LRP12: variants seen among roughly 807,000 people sequenced by gnomAD.
The protein encoded by LRP12 is low-density lipoprotein receptor-related protein 12.
In LRP12, 14 loss-of-function variants were observed where a neutral mutation model predicts 66.0. The observed-to-expected ratio is 0.21, with a 90% CI of 0.14 to 0.33. The LOEUF is 0.33. Among genes scored for constraint, LRP12 ranks in the 10% least tolerant of loss-of-function variants. LRP12 has a pLI of 1.00. For missense variants in LRP12, 889 were observed against 1,053.4 expected (o/e 0.84, Z 2.16); for synonymous variants, 357 against 359.1 (o/e 0.99, Z 0.07).
intron 1 of LRP12, among the ~76,000 whole-genome samples, chr8:104,574,590 A>G (rs1167765237): frequency 6.6e-6 from 1 of 152,164 alleles, no homozygotes; most frequent in Non-Finnish European, 1.5e-5. Flanking sequence ...ACATGTTTAC[A>G]TACAGCTTTA....
At chr8:104,552,927 T>G (rs1033955559) in intron 1 of LRP12, among the ~76,000 whole-genome samples, 3 of 152,150 alleles carry the variant, frequency 2.0e-5, no homozygotes, top group Non-Finnish European at 4.4e-5. Context: ...GTGCCCAAAG[T>G]GTGAGGGGGG....
chr8:104,497,258 G>A lies in LRP12; in HGVS notation c.1294C>T (p.Arg432Cys), dbSNP rs1202697745. The stretch of plus-strand genomic sequence containing the variant: ...GGGCAATGATTCTGGTAGTTGCAGC[G>A]ATCAGAACGAGGATAACAGACACCA... ...RNGVCYPRSDRCNYQNHCPNG... is the reference protein window; with the variant it reads ...RNGVCYPRSDCCNYQNHCPNG... Residue 432 changes from arginine to cysteine, a missense_variant, in exon 5 of 7, where the codon CGC (arginine) becomes TGC (cysteine). Physicochemically the swap from Arg to Cys is radical, Grantham distance 180 (BLOSUM62 -3). Transcript: ENST00000276654. The surrounding 1 kb of genome is among the most constrained non-coding windows in gnomAD (Gnocchi z 4.3). The A allele has an allele frequency of 1.2e-6, 2 of 1,613,968 alleles. No individual in the cohort carries two copies. The highest frequency in any genetic ancestry group is 2.2e-5 in the East Asian group (1 of 44,890).
chr8:104,546,019 A>G (rs1464922511), intron 1 of LRP12, among the ~76,000 whole-genome samples: 1 of 152,186 alleles, frequency 6.6e-6, no homozygotes, highest in Non-Finnish European at 1.5e-5. Context: ...CATGGTTTGC[A>G]CAGTATAGGA....
intron 2 of LRP12, among the ~76,000 whole-genome samples, chr8:104,509,299 C>T (rs1389022445): frequency 3.3e-5 from 5 of 152,178 alleles, no homozygotes; most frequent in African/African-American, 7.2e-5. Flanking sequence ...CCCCACTTAT[C>T]GGACATTTTG....
intron 1 of LRP12, among the ~76,000 whole-genome samples, chr8:104,565,397 T>C (rs1399639175): frequency 6.6e-6 from 1 of 152,198 alleles, no homozygotes; most frequent in Non-Finnish European, 1.5e-5. Context: ...GGACAACTCT[T>C]TGGTATGAGA....
chr8:104,542,994 A>AATATAAAT (rs544043214), intron 1 of LRP12, among the ~76,000 whole-genome samples: 12 of 144,122 alleles, frequency 8.3e-5, no homozygotes, highest in African/African-American at 2.9e-4. Context: ...AACACACACA[A>AATATAAAT]ATATATATAT....
intron 1 of LRP12, among the ~76,000 whole-genome samples, chr8:104,564,331 G>C (rs958152857): frequency 6.6e-6 from 1 of 152,156 alleles, no homozygotes; most frequent in African/African-American, 2.4e-5. Context: ...CTGAGATTCA[G>C]CATTTCTAAC....
At chr8:104,505,974 G>GT (rs1351011073) in intron 3 of LRP12, 2 of 152,056 alleles carry the variant, frequency 1.3e-5, no homozygotes, top group Admixed American at 1.3e-4. Flanking sequence ...AACCATGACA[G>GT]TATTTATAGC....
intron 1 of LRP12, among the ~76,000 whole-genome samples, chr8:104,545,326 A>T (rs988747443): frequency 6.6e-6 from 1 of 152,214 alleles, no homozygotes; most frequent in Non-Finnish European, 1.5e-5. Context: ...AATGACAACA[A>T]AAGATTTAGA....
chr8:104,507,054 T>G (rs1400586126), intron 3 of LRP12: 3 of 152,066 alleles, frequency 2.0e-5, no homozygotes, highest in Non-Finnish European at 4.4e-5. Context: ...CATGGTAAGT[T>G]AATTTAATAT....
At position 104,490,040 on chromosome 8, in the gene LRP12, C is replaced by A. The variant is rs1810592307; in HGVS notation, c.*633G>T. 1 of 152,540 alleles carries A rather than the reference C, an allele frequency of 6.6e-6. No homozygotes were observed. Among genetic ancestry groups the A allele is most frequent in the Non-Finnish European group, 1.5e-5 (1 of 68,000 alleles). 9.4% of individuals were successfully genotyped at this position (152,540 alleles called of 1,614,324 possible). On this transcript the variant is annotated 3_prime_UTR_variant, in exon 7 of 7. Coordinates refer to ENST00000276654, the MANE Select transcript of LRP12 (RefSeq NM_013437.5). Reference sequence around the variant, plus strand: ...AGTATTAAAGTCAACATTAGAAAATCTTTATAAAAGAGTTTTGTTTTTGCC... The same window carrying A: ...AGTATTAAAGTCAACATTAGAAAATATTTATAAAAGAGTTTTGTTTTTGCC...
intron 1 of LRP12, among the ~76,000 whole-genome samples, chr8:104,557,002 A>G (rs1421477015): frequency 1.3e-5 from 2 of 152,210 alleles, no homozygotes; most frequent in South Asian, 4.1e-4. Context: ...ACAAAAATTA[A>G]AAACAAAAAT....
chr8:104,552,214 G>A (rs1191232783), intron 1 of LRP12, among the ~76,000 whole-genome samples: 1 of 152,150 alleles, frequency 6.6e-6, no homozygotes, highest in African/African-American at 2.4e-5. Context: ...TAGATTGTAA[G>A]GGACTTTGCT....
intron 2 of LRP12, among the ~76,000 whole-genome samples, chr8:104,530,652 A>G (rs1257473530): frequency 6.6e-6 from 1 of 152,204 alleles, no homozygotes; most frequent in Non-Finnish European, 1.5e-5. Context: ...AGTAGTTTTT[A>G]AAAGTTTATA....
intron 1 of LRP12, among the ~76,000 whole-genome samples, chr8:104,584,791 T>G (rs781154094): frequency 2.0e-5 from 3 of 152,214 alleles, no homozygotes; most frequent in Non-Finnish European, 4.4e-5. Context: ...ATTCAACACA[T>G]TTTATGTAAT....
intron 1 of LRP12, among the ~76,000 whole-genome samples, chr8:104,571,301 G>T (rs576596636): frequency 6.6e-6 from 1 of 152,220 alleles, no homozygotes; most frequent in Non-Finnish European, 1.5e-5. Context: ...CAGCACAGCA[G>T]CAAGTGAGTG....
In LRP12 at chr8:104,498,096, AAT is replaced by A; in HGVS notation, c.476-22_476-21del. 1 of 1,541,140 alleles carries A rather than the reference AAT, an allele frequency of 6.5e-7. No individual in the cohort carries two copies. Among genetic ancestry groups the A allele is most frequent in the South Asian group, 1.3e-5 (1 of 77,676 alleles). The stretch of plus-strand genomic sequence containing the variant: ...ATTTCCCTGTGAAGATGTGAGTAGA[AAT>A]AGATGGAAAGAGAAGGAGAAAAATT... On this transcript the variant is annotated intron_variant, in intron 4 of 6. Transcript: ENST00000276654.
intron 1 of LRP12, among the ~76,000 whole-genome samples, chr8:104,576,016 AATCTC>A (rs1812159533): frequency 6.6e-6 from 1 of 152,178 alleles, no homozygotes; most frequent in Non-Finnish European, 1.5e-5. Flanking sequence ...CAGAGGAAAG[AATCTC>A]AGAGCTTGAA....
chr8:104,521,159 C>T (rs1811143568), intron 2 of LRP12, among the ~76,000 whole-genome samples: 1 of 151,676 alleles, frequency 6.6e-6, no homozygotes, highest in African/African-American at 2.4e-5. Context: ...GGAATATGTA[C>T]AGATATATAC....
Sources: allele counts gnomAD v4.1 joint callset (sites outside exome capture counted in the v4.1 genomes callset), GRCh38; gene constraint gnomAD v4.1.1; non-coding constraint Gnocchi (gnomAD v3.1); transcripts MANE v1.5; gene names NCBI Gene and HGNC (gene_info 2026-07-23, HGNC 2026-07-21).